The following SDK1 variants were observed in gnomAD, a reference collection of about 807,000 sequenced individuals.
SDK1 encodes the protein protein sidekick-1.
Under a neutral mutation model 245.5 loss-of-function variants are expected in SDK1, and 157 were observed. The observed-to-expected ratio is 0.64, with a 90% CI of 0.56 to 0.73. The LOEUF is 0.73. Among genes scored for constraint, SDK1 ranks in the 30% least tolerant of loss-of-function variants. The pLI, the probability that SDK1 is intolerant of heterozygous loss-of-function variation, is 0.00. For missense variants in SDK1, 3,583 were observed against 3,002.3 expected, an observed-to-expected ratio of 1.19 and a Z score of -4.52; for synonymous variants, 1,647 against 1,278.5, an observed-to-expected ratio of 1.29 and a Z score of -6.15.
intron 17 of SDK1, among the ~76,000 whole-genome samples, chr7:4,048,307 T>C (rs1460805229): frequency 6.6e-6 from 1 of 152,200 alleles, no homozygotes; most frequent in Non-Finnish European, 1.5e-5. Context: ...AGCCGGAGGC[T>C]TGGCTCCTCT....
At position 4,265,358 on chromosome 7, in the gene SDK1, C is replaced by G. The variant is rs1460050166; in HGVS notation, c.6616C>G (p.Leu2206Val). The G allele has an allele frequency of 6.9e-7, 1 of 1,453,822 alleles. No homozygotes were observed. Among genetic ancestry groups the G allele is most frequent in the Non-Finnish European group, 9.0e-7 (1 of 1,116,122 alleles). The allele number at this position is 1,453,822 out of a possible 1,614,324, so 90.1% of individuals were successfully genotyped here. Residue 2206 changes from leucine to valine, a missense_variant, in exon 45 of 45, where the codon CTC (leucine) becomes GTC (valine). By Grantham distance (32) the Leu-to-Val change is conservative. Transcript: ENST00000404826. ...CGCTGGCCCCGGCGCGCGAACTCCGCTCACCGGCTTCTCCTCCTTCGTGTG... is the reference window on the plus strand; with the variant it reads ...CGCTGGCCCCGGCGCGCGAACTCCGGTCACCGGCTTCTCCTCCTTCGTGTG... ...TPAGPGARTP[L>V]TGFSSFV
rs1285620008 is a variant in SDK1 at position 3,326,130 on chromosome 7, ATG to A, written c.298+24247_298+24248del. Among the ~76,000 whole-genome samples, 4 of 152,294 alleles carry A rather than the reference ATG, an allele frequency of 2.6e-5. No homozygotes were observed. The East Asian group carries it at 7.7e-4, about 29-fold the overall frequency. On this transcript the variant is annotated intron_variant, in intron 1 of 44. Transcript: ENST00000404826. ...TCCTAATGGCTTAGTGTTTATAAAAATGATACTCGTTCACTGCAAATTGTAGA... is the reference window on the plus strand; with the variant it reads ...TCCTAATGGCTTAGTGTTTATAAAAAATACTCGTTCACTGCAAATTGTAGA...
At chr7:3,633,329 T>C (rs1286292871) in intron 2 of SDK1, among the ~76,000 whole-genome samples, 2 of 152,228 alleles carry the variant, frequency 1.3e-5, no homozygotes, top group Non-Finnish European at 2.9e-5. Flanking sequence ...TTAAGTTCCC[T>C]GACCACCTAG....
chr7:3,949,542 C>T (rs1452983493), intron 5 of SDK1, among the ~76,000 whole-genome samples: 1 of 152,172 alleles, frequency 6.6e-6, no homozygotes. Flanking sequence ...CAGCGTGAAG[C>T]CCAGATGAAG....
At chr7:3,988,946 A>G (rs900769039) in intron 14 of SDK1, among the ~76,000 whole-genome samples, 1 of 151,912 alleles carries the variant, frequency 6.6e-6, no homozygotes, top group African/African-American at 2.4e-5. Context: ...TAATTTTTGT[A>G]TTTTTAGTAG....
chr7:3,801,481 A>G (rs1419855952), intron 4 of SDK1, among the ~76,000 whole-genome samples: 1 of 152,174 alleles, frequency 6.6e-6, no homozygotes, highest in Admixed American at 6.5e-5. Context: ...CTACATTTAT[A>G]TAATTTACTT....
At chr7:3,529,350 T>G (rs1185244661) in intron 1 of SDK1, among the ~76,000 whole-genome samples, 1 of 152,180 alleles carries the variant, frequency 6.6e-6, no homozygotes, top group Non-Finnish European at 1.5e-5. Flanking sequence ...GAAGGAATAG[T>G]TAATTCCAGG....
intron 22 of SDK1, among the ~76,000 whole-genome samples, chr7:4,082,076 C>T (rs776623183): frequency 1.2e-4 from 18 of 152,138 alleles, no homozygotes; most frequent in Non-Finnish European, 1.2e-4. Context: ...GTTGGAATAA[C>T]AGGTTTTCCT....
At chr7:3,496,668 A>G (rs1782036183) in intron 1 of SDK1, among the ~76,000 whole-genome samples, 1 of 152,136 alleles carries the variant, frequency 6.6e-6, no homozygotes, top group Non-Finnish European at 1.5e-5. Context: ...AGTGATTTTT[A>G]TATGTCTCCT....
chr7:3,307,790 C>T (rs77383774), intron 1 of SDK1, among the ~76,000 whole-genome samples: 1 of 152,122 alleles, frequency 6.6e-6, no homozygotes, highest in Admixed American at 6.5e-5. Context: ...ATGAGGAAGT[C>T]TATTAGTCTC....
chr7:3,675,118 T>C (rs967228110), intron 4 of SDK1, among the ~76,000 whole-genome samples: 14 of 152,336 alleles, frequency 9.2e-5, no homozygotes, highest in African/African-American at 3.1e-4. Context: ...ATCTCCAATG[T>C]TGATCTCCCT....
chr7:3,999,992 T>C (rs1163710095), intron 14 of SDK1, among the ~76,000 whole-genome samples: 1 of 152,070 alleles, frequency 6.6e-6, no homozygotes, highest in Non-Finnish European at 1.5e-5. Flanking sequence ...GAAAGCAAGT[T>C]TTTAGCAAGA....
intron 1 of SDK1, among the ~76,000 whole-genome samples, chr7:3,577,102 A>G (rs1026195580): frequency 6.6e-6 from 1 of 151,952 alleles, no homozygotes; most frequent in African/African-American, 2.4e-5. Context: ...GAGCCTGGCC[A>G]TACTGGAAGA....
rs184309904 is a variant in SDK1 at position 3,557,447 on chromosome 7, G to C, written c.299-61633G>C. Among the ~76,000 whole-genome samples, 96 of 152,306 alleles carry C rather than the reference G, an allele frequency of 6.3e-4. No homozygotes were observed. In the East Asian group the frequency reaches 0.018, roughly 28 times the overall value. On this transcript the variant is annotated intron_variant, in intron 1 of 44. Coordinates refer to ENST00000404826, the MANE Select transcript of SDK1 (RefSeq NM_152744.4). The stretch of plus-strand genomic sequence containing the variant: ...GAAATGGAGAGAGGGTAGTGGCTAT[G>C]GTCACAAAAGAGCAAGACCAGGGGT...
At chr7:3,319,459 G>A (rs1015317281) in intron 1 of SDK1, among the ~76,000 whole-genome samples, 22 of 152,276 alleles carry the variant, frequency 1.4e-4, no homozygotes, top group African/African-American at 5.1e-4. Flanking sequence ...CCCATGGCTG[G>A]TGTGGCCTAA....
At chr7:4,111,789 T>A in intron 23 of SDK1, among the ~76,000 whole-genome samples, 1 of 152,256 alleles carries the variant, frequency 6.6e-6, no homozygotes. Context: ...ATAGTAAATG[T>A]ATATGTGCAT....
At chr7:4,196,708 C>T (rs530816515) in intron 35 of SDK1, among the ~76,000 whole-genome samples, 1 of 152,350 alleles carries the variant, frequency 6.6e-6, no homozygotes, top group South Asian at 2.1e-4. Flanking sequence ...GAATTGCCTG[C>T]TGACCTGCCC....
chr7:3,943,940 C>T (rs1031026374), intron 5 of SDK1, among the ~76,000 whole-genome samples: 5 of 152,284 alleles, frequency 3.3e-5, no homozygotes, highest in Admixed American at 3.3e-4. Context: ...AGCTACCTGG[C>T]GCCCGTTGGT....
intron 5 of SDK1, among the ~76,000 whole-genome samples, chr7:3,826,480 C>T (rs574567887): frequency 3.3e-5 from 5 of 152,178 alleles, no homozygotes; most frequent in Admixed American, 6.5e-5. Flanking sequence ...ACAAGTGTTC[C>T]TGCTGCCGTT....
Sources: gnomAD v4.1 joint callset for allele counts (sites outside exome capture counted in the v4.1 genomes callset) on GRCh38, gnomAD v4.1.1 for gene constraint, MANE v1.5 for transcripts, NCBI Gene and HGNC (gene_info 2026-07-23, HGNC 2026-07-21) for gene names.